SUN3: variants seen among roughly 807,000 people sequenced by gnomAD.
The protein encoded by SUN3 is SUN domain-containing protein 3.
A neutral mutation model predicts 48.2 loss-of-function variants in SUN3; 36 were observed. The ratio of observed to expected loss-of-function variants is 0.75; its 90% CI spans 0.57 to 0.99. The LOEUF (loss-of-function observed/expected upper bound fraction) is 0.99, where lower values mean the gene tolerates loss of function less well. SUN3 is among the 50% of genes least tolerant of loss of function. The pLI is 0.00. For missense variants in SUN3, 419 were observed against 433.1 expected (o/e 0.97, Z 0.29); for synonymous variants, 148 against 147.9 (o/e 1.00, Z 0.00).
chr7:47,988,034 C>T (rs1288618141), intron 9 of SUN3, among the ~76,000 whole-genome samples: 3 of 152,160 alleles, frequency 2.0e-5, no homozygotes, highest in African/African-American at 7.2e-5. Context: ...GGCAAGAGGG[C>T]TTGTTGTCTA....
At chr7:47,991,301 G>A (rs987738020) in intron 8 of SUN3, among the ~76,000 whole-genome samples, 1 of 152,206 alleles carries the variant, frequency 6.6e-6, no homozygotes. Context: ...TATTACTAAA[G>A]GATTCCTGCC....
chr7:48,025,075 G>A lies in SUN3; in HGVS notation c.184+802C>T, dbSNP rs115760377. Among the ~76,000 whole-genome samples, 352 of 152,194 alleles carry A rather than the reference G, an allele frequency of 2.3e-3. 1 individual carries two copies. Among genetic ancestry groups the A allele is most frequent in the African/African-American group, 8.2e-3 (339 of 41,514 alleles). On this transcript the variant is annotated intron_variant, in intron 2 of 9. Coordinates refer to ENST00000297325, the MANE Select transcript of SUN3 (RefSeq NM_001030019.2). ...CTATGTATATACTTGAAAGAATTGA[G>A]AACAGGTGTTCAAATAAGCACACAT...
At chr7:48,014,174 C>T (rs1463383273) in intron 3 of SUN3, among the ~76,000 whole-genome samples, 2 of 152,036 alleles carry the variant, frequency 1.3e-5, no homozygotes, top group Non-Finnish European at 2.9e-5. Context: ...TGGAGCCAAG[C>T]GATCTGCCCA....
At chr7:48,027,123 G>A (rs1262854039) in intron 1 of SUN3, among the ~76,000 whole-genome samples, 1 of 152,162 alleles carries the variant, frequency 6.6e-6, no homozygotes, top group Non-Finnish European at 1.5e-5. Context: ...TCTGCCTCCT[G>A]TTCCCAGTCT....
At chr7:48,025,980 C>A in intron 1 of SUN3, 42 bp from the exon 2 acceptor site, 2 of 1,390,266 alleles carry the variant, frequency 1.4e-6, no homozygotes, top group Non-Finnish European at 2.0e-6. Context: ...AATTTAACAA[C>A]ATCATGCATT....
chr7:48,010,473 T>C (rs1026001866), intron 3 of SUN3, among the ~76,000 whole-genome samples: 4 of 152,230 alleles, frequency 2.6e-5, no homozygotes, highest in Admixed American at 2.6e-4. Flanking sequence ...AAGTGGTTTA[T>C]CAATTAAGAG....
At chr7:47,992,077 C>T (rs1789080577) in intron 8 of SUN3, among the ~76,000 whole-genome samples, 1 of 140,228 alleles carries the variant, frequency 7.1e-6, no homozygotes, top group Non-Finnish European at 1.6e-5. Context: ...GGAGTCCTCT[C>T]AGGGTCAGCT....
intron 4 of SUN3, 46 bp from the exon 5 acceptor site, chr7:48,007,373 C>G (rs1789555582): frequency 1.3e-6 from 2 of 1,581,190 alleles, no homozygotes; most frequent in Non-Finnish European, 8.6e-7. Flanking sequence ...GTGTAAAGCT[C>G]CTGTTATCAG....
chr7:48,004,650 C>T (rs147228844), intron 6 of SUN3, among the ~76,000 whole-genome samples: 67 of 152,388 alleles, frequency 4.4e-4, no homozygotes, highest in African/African-American at 1.3e-3. Context: ...CCCACACTCT[C>T]TGGCCCACAG....
intron 3 of SUN3, among the ~76,000 whole-genome samples, chr7:48,015,964 A>G (rs1460889312): frequency 6.6e-6 from 1 of 152,186 alleles, no homozygotes; most frequent in Non-Finnish European, 1.5e-5. Flanking sequence ...CTAACAAATT[A>G]GCTACAAGAT....
intron 2 of SUN3, among the ~76,000 whole-genome samples, chr7:48,024,725 T>G (rs908938053): frequency 1.7e-4 from 26 of 152,264 alleles, no homozygotes; most frequent in Admixed American, 4.6e-4. Flanking sequence ...AGCCAGCATG[T>G]GCAGAGATCA....
intron 2 of SUN3, among the ~76,000 whole-genome samples, chr7:48,022,343 T>C (rs1470102811): frequency 2.0e-5 from 3 of 152,100 alleles, no homozygotes; most frequent in African/African-American, 7.2e-5. Flanking sequence ...AAATAAGACG[T>C]ACTATTTGAC....
intron 2 of SUN3, among the ~76,000 whole-genome samples, chr7:48,020,139 C>T (rs1789951313): frequency 6.6e-6 from 1 of 152,018 alleles, no homozygotes; most frequent in South Asian, 2.1e-4. Flanking sequence ...CCCTGGGATG[C>T]AAGGATGGTT....
In SUN3 at chr7:48,028,825, A is replaced by G; in HGVS notation, c.114T>C (p.Asp38=). The change falls in exon 1 of 10, where the codon GAT becomes GAC. Residue 38 remains aspartate (D), a synonymous_variant. Coordinates refer to ENST00000297325, the MANE Select transcript of SUN3 (RefSeq NM_001030019.2). ...CTGCCATGTTTACCTACCCATTCGC[A>G]TCAGGATTTTCGTCCTCTGATAACA... The part of the protein sequence containing the change: ...NALLSEDENP[D]ANGVTRSWKI... 1 of 1,613,844 alleles carries G rather than the reference A, an allele frequency of 6.2e-7. No homozygotes were observed. The highest frequency in any genetic ancestry group is 8.5e-7 in the Non-Finnish European group (1 of 1,179,794).
At chr7:48,023,743 G>T (rs1790062998) in intron 2 of SUN3, among the ~76,000 whole-genome samples, 1 of 152,120 alleles carries the variant, frequency 6.6e-6, no homozygotes, top group South Asian at 2.1e-4. Context: ...AGAAATTAAA[G>T]AAGACCTAAA....
intron 4 of SUN3, among the ~76,000 whole-genome samples, chr7:48,008,769 C>T (rs1475055460): frequency 1.3e-5 from 2 of 152,134 alleles, no homozygotes; most frequent in East Asian, 1.9e-4. Context: ...ATACTAAATA[C>T]AGCATGGGTA....
intron 6 of SUN3, among the ~76,000 whole-genome samples, chr7:48,002,304 C>T (rs933487293): frequency 4.9e-5 from 7 of 143,702 alleles, no homozygotes; most frequent in Non-Finnish European, 8.8e-5. Flanking sequence ...GGACCACAGG[C>T]GCCCGCACCA....
At chr7:48,028,683 CTA>C in intron 1 of SUN3, 132 bp downstream of exon 1, 1 of 1,173,014 alleles carries the variant, frequency 8.5e-7, no homozygotes, top group Non-Finnish European at 1.2e-6. Flanking sequence ...TCAAAGGAAA[CTA>C]TTGAAAATGA....
intron 4 of SUN3, among the ~76,000 whole-genome samples, chr7:48,008,825 TC>T (rs1447945943): frequency 6.6e-6 from 1 of 152,196 alleles, no homozygotes; most frequent in Non-Finnish European, 1.5e-5. Flanking sequence ...CTCCTTTTTT[TC>T]TTTTTCTTCC....
Sources: allele counts gnomAD v4.1 joint callset (sites outside exome capture counted in the v4.1 genomes callset), GRCh38; gene constraint gnomAD v4.1.1; transcripts MANE v1.5; gene names NCBI Gene and HGNC (gene_info 2026-07-23, HGNC 2026-07-21).